TNS3: variants seen among roughly 807,000 people sequenced by gnomAD.
TNS3 encodes the protein tensin-3.
TNS3 carries 45 observed loss-of-function variants against 140.9 expected under a neutral mutation model. The observed-to-expected ratio is 0.32, with a 90% CI of 0.25 to 0.41. TNS3 has a LOEUF of 0.41. Ranked by LOEUF, TNS3 falls within the 10% of genes least tolerant of loss-of-function variation. The pLI is 1.00. For missense variants in TNS3, 1,716 were observed against 1,906.7 expected (o/e 0.90, Z 1.86); for synonymous variants, 815 against 788.4 (o/e 1.03, Z -0.56).
intron 7 of TNS3, among the ~76,000 whole-genome samples, chr7:47,435,922 C>T (rs138573626): frequency 4.1e-4 from 62 of 152,314 alleles, no homozygotes; most frequent in African/African-American, 1.4e-3. Context: ...AAATCACCAC[C>T]ATGTGCTAAA....
At chr7:47,313,150 A>G (rs1292249408) in intron 20 of TNS3, among the ~76,000 whole-genome samples, 1 of 152,282 alleles carries the variant, frequency 6.6e-6, no homozygotes, top group East Asian at 1.9e-4. Flanking sequence ...GGCTTCCTGG[A>G]GCAAGTGGCA....
At chr7:47,567,996 A>G (rs1244059280) in intron 1 of TNS3, among the ~76,000 whole-genome samples, 6 of 152,136 alleles carry the variant, frequency 3.9e-5, no homozygotes, top group African/African-American at 1.4e-4. Context: ...CCAATGTGAC[A>G]TGCTGATTTC....
chr7:47,478,710 C>T (rs530967127), intron 4 of TNS3, among the ~76,000 whole-genome samples: 1 of 152,136 alleles, frequency 6.6e-6, no homozygotes, highest in South Asian at 2.1e-4. Context: ...TATATATTCA[C>T]ATACATAACT....
intron 17 of TNS3, among the ~76,000 whole-genome samples, chr7:47,358,620 C>T (rs1208462551): frequency 6.6e-6 from 1 of 152,216 alleles, no homozygotes; most frequent in Non-Finnish European, 1.5e-5. Context: ...TGGGAGCCGG[C>T]AGTGCTCTCG....
chr7:47,475,400 C>G (rs915962183), intron 4 of TNS3, among the ~76,000 whole-genome samples: 2 of 152,248 alleles, frequency 1.3e-5, no homozygotes, highest in African/African-American at 4.8e-5. Context: ...GCAGCTGGTG[C>G]GGGCTCGGGA....
At chr7:47,474,147 A>ACACACACACACACACAC (rs1562783799) in intron 4 of TNS3, among the ~76,000 whole-genome samples, 3 of 87,792 alleles carry the variant, frequency 3.4e-5, no homozygotes, top group Non-Finnish European at 7.2e-5. Context: ...CACACACACA[A>ACACACACACACACACAC]CACACATAAA....
chr7:47,315,745 A>G (rs1323341829), intron 20 of TNS3, among the ~76,000 whole-genome samples: 1 of 152,226 alleles, frequency 6.6e-6, no homozygotes, highest in Non-Finnish European at 1.5e-5. Flanking sequence ...ATCAAAGTTC[A>G]TCCTCAGGAA....
intron 1 of TNS3, among the ~76,000 whole-genome samples, chr7:47,551,612 A>G (rs184736132): frequency 9.6e-4 from 146 of 152,354 alleles, no homozygotes; most frequent in African/African-American, 3.2e-3. Context: ...ACAGTCTACA[A>G]TGAGAACTAC....
chr7:47,372,357 T>C (rs75978435), intron 16 of TNS3, among the ~76,000 whole-genome samples: 8,716 of 151,886 alleles, frequency 0.057, 337 homozygotes, highest in Non-Finnish European at 0.089. Flanking sequence ...ATTGGCACAA[T>C]GACTTAAAAA....
chr7:47,366,435 C>T (rs1468416051), intron 17 of TNS3, among the ~76,000 whole-genome samples: 1 of 152,174 alleles, frequency 6.6e-6, no homozygotes, highest in Non-Finnish European at 1.5e-5. Context: ...TGTGAACGAG[C>T]GTTTCTTCAC....
intron 16 of TNS3, among the ~76,000 whole-genome samples, chr7:47,389,085 AGG>A (rs1792315074): frequency 5.8e-5 from 4 of 69,360 alleles, no homozygotes; most frequent in East Asian, 1.3e-3. Flanking sequence ...GAAGAAGAAG[AGG>A]AAGAGGAAGA....
intron 16 of TNS3, 74 bp from the exon 17 acceptor site, chr7:47,369,695 G>T: frequency 6.9e-7 from 1 of 1,455,358 alleles, no homozygotes; most frequent in Non-Finnish European, 9.2e-7. Context: ...GAATGGGCGT[G>T]TGCATCTGTC....
chr7:47,551,261 C>G (rs1016025407), intron 1 of TNS3, among the ~76,000 whole-genome samples: 1 of 152,224 alleles, frequency 6.6e-6, no homozygotes, highest in African/African-American at 2.4e-5. Context: ...CACTTCCTGC[C>G]GCTGGACTCG....
At chr7:47,517,830 C>T (rs774807521) in intron 2 of TNS3, among the ~76,000 whole-genome samples, 9 of 151,942 alleles carry the variant, frequency 5.9e-5, no homozygotes, top group Non-Finnish European at 7.4e-5. Flanking sequence ...ATTTCTGTAT[C>T]GGGGGTCAAG....
In TNS3 at chr7:47,524,808, C is replaced by CAAAAAAAAAAAAAAA. The variant is rs1354544006; in HGVS notation, c.-153+4227_-153+4228insTTTTTTTTTTTTTTT. Among the ~76,000 whole-genome samples the CAAAAAAAAAAAAAAA allele has an allele frequency of 1.2e-4, 3 of 25,258 alleles. 1 individual carries two copies. Among genetic ancestry groups the CAAAAAAAAAAAAAAA allele is most frequent in the Non-Finnish European group, 2.9e-4 (3 of 10,322 alleles). 16.6% of individuals were successfully genotyped at this position (25,258 alleles called of 152,430 possible). A position where few individuals can be genotyped will look rare whatever the true frequency, so the allele number is the denominator to read the frequency against. The stretch of plus-strand genomic sequence containing the variant: ...TGGGCGACAGAGCGAGACTCCGTCT[C>CAAAAAAAAAAAAAAA]AAGAAAAAAAAAAAAAAAAAAAAAA... On this transcript the variant is annotated intron_variant, in intron 2 of 30. Transcript: ENST00000311160.
chr7:47,376,407 C>T (rs1791388112), intron 16 of TNS3, among the ~76,000 whole-genome samples: 1 of 152,184 alleles, frequency 6.6e-6, no homozygotes, highest in Admixed American at 6.5e-5. Flanking sequence ...TCTGGAAACA[C>T]CCCTCTCTTA....
intron 4 of TNS3, among the ~76,000 whole-genome samples, chr7:47,476,618 T>C (rs992599143): frequency 6.6e-6 from 1 of 152,178 alleles, no homozygotes; most frequent in African/African-American, 2.4e-5. Context: ...TCCAAAATCA[T>C]CATTCTGCTC....
At chr7:47,393,629 C>A (rs1792659934) in intron 16 of TNS3, among the ~76,000 whole-genome samples, 1 of 152,142 alleles carries the variant, frequency 6.6e-6, no homozygotes, top group African/African-American at 2.4e-5. Flanking sequence ...ATGAACCAGG[C>A]ACTGGGAGGA....
At chr7:47,514,736 T>A (rs989143386) in intron 2 of TNS3, among the ~76,000 whole-genome samples, 4 of 152,132 alleles carry the variant, frequency 2.6e-5, no homozygotes, top group South Asian at 2.1e-4. Context: ...ATCTCTCAAA[T>A]GGGGAGCATT....
Sources: gnomAD v4.1 joint callset for allele counts (sites outside exome capture counted in the v4.1 genomes callset) on GRCh38, gnomAD v4.1.1 for gene constraint, MANE v1.5 for transcripts, NCBI Gene and HGNC (gene_info 2026-07-23, HGNC 2026-07-21) for gene names.